Variants in LINGO2 observed in about 807,000 individuals in gnomAD.
LINGO2 encodes leucine-rich repeat and immunoglobulin-like domain-containing nogo receptor-interacting protein 2.
LINGO2 carries 14 observed loss-of-function variants against 30.6 expected under a neutral mutation model. The ratio of observed to expected loss-of-function variants is 0.46; its 90% confidence interval spans 0.30 to 0.72. LINGO2 has a LOEUF of 0.72. Among genes scored for constraint, LINGO2 ranks in the 30% least tolerant of loss-of-function variants. LINGO2 has a pLI of 0.07. For missense variants in LINGO2, 729 were observed against 751.7 expected, an observed-to-expected ratio of 0.97 and a Z score of 0.35; for synonymous variants, 317 against 288.5, an observed-to-expected ratio of 1.10 and a Z score of -1.00.
At chr9:27,996,667 G>T (rs1177403410) in intron 5 of LINGO2, among the ~76,000 whole-genome samples, 1 of 152,114 alleles carries the variant, frequency 6.6e-6, no homozygotes, top group Admixed American at 6.5e-5. Flanking sequence ...CAGTTAGATA[G>T]AATTAATAAA....
chr9:28,149,770 G>C (rs1827937595), intron 4 of LINGO2, among the ~76,000 whole-genome samples: 1 of 149,424 alleles, frequency 6.7e-6, no homozygotes, highest in Non-Finnish European at 1.5e-5. Context: ...AATTGAGGAG[G>C]AGCACTGCCT....
intron 1 of LINGO2, among the ~76,000 whole-genome samples, chr9:28,594,976 G>T (rs904830770): frequency 2.0e-5 from 3 of 152,052 alleles, no homozygotes; most frequent in African/African-American, 4.8e-5. Context: ...CATTTGAAGA[G>T]GACCTATTAA....
At chr9:28,241,268 A>AAG (rs1821780116) in intron 4 of LINGO2, among the ~76,000 whole-genome samples, 1 of 14,116 alleles carries the variant, frequency 7.1e-5, no homozygotes, top group Non-Finnish European at 1.3e-4. Flanking sequence ...ACCCTGTCTC[A>AAG]AAAAAAAAAA....
chr9:28,351,371 C>T (rs1400640530), intron 3 of LINGO2, among the ~76,000 whole-genome samples: 1 of 148,562 alleles, frequency 6.7e-6, no homozygotes, highest in African/African-American at 2.5e-5. Flanking sequence ...ACTACAAACA[C>T]CTCTATGCAA....
At chr9:27,990,416 G>A (rs1227037873) in intron 5 of LINGO2, among the ~76,000 whole-genome samples, 1 of 150,942 alleles carries the variant, frequency 6.6e-6, no homozygotes, top group Non-Finnish European at 1.5e-5. Flanking sequence ...TAGAAATGTT[G>A]CTGAGCTTCA....
At chr9:29,211,583 C>CTTT in the LINGO2 span, among the ~76,000 whole-genome samples, 1 of 148,132 alleles carries the variant, frequency 6.8e-6, no homozygotes, top group Non-Finnish European at 1.5e-5. Flanking sequence ...CTTCTCTTCT[C>CTTT]TCTCTCTCTC....
the LINGO2 span, among the ~76,000 whole-genome samples, chr9:28,722,394 T>C: frequency 6.6e-6 from 1 of 152,138 alleles, no homozygotes; most frequent in Admixed American, 6.6e-5. Context: ...TGTATAATTA[T>C]GGAAAAGTTC....
chr9:28,037,339 A>AC (rs1823986550), intron 4 of LINGO2, among the ~76,000 whole-genome samples: 1 of 151,966 alleles, frequency 6.6e-6, no homozygotes, highest in Non-Finnish European at 1.5e-5. Flanking sequence ...TAAACTTTAT[A>AC]CTCCAGTAAG....
Position 28,427,693 on chromosome 9 carries a change from G to T in LINGO2, c.-279+48247C>A, listed in dbSNP as rs183097063. Among the ~76,000 whole-genome samples, 91 of 152,090 alleles carry T rather than the reference G, an allele frequency of 6.0e-4. 1 individual carries two copies. The East Asian group carries it at 9.7e-3, about 16-fold the overall frequency. On this transcript the variant is annotated intron_variant, in intron 2 of 5. Transcript: ENST00000379992. The stretch of plus-strand genomic sequence containing the variant: ...AGACTTTTAAATGAATGTCACATTA[G>T]TCTAAATCAGCCCTCTGTGGCATAA...
chr9:28,290,227 T>C (rs1360818670), intron 4 of LINGO2, among the ~76,000 whole-genome samples: 3 of 152,218 alleles, frequency 2.0e-5, no homozygotes, highest in African/African-American at 7.2e-5. Context: ...ATTTAGCAAC[T>C]ATTCTAGGCT....
At chr9:28,188,785 T>C (rs1274924379) in intron 4 of LINGO2, among the ~76,000 whole-genome samples, 2 of 152,124 alleles carry the variant, frequency 1.3e-5, no homozygotes, top group Non-Finnish European at 2.9e-5. Flanking sequence ...ATTCCTACTG[T>C]CATGGGTCAA....
chr9:28,738,631 A>G, the LINGO2 span, among the ~76,000 whole-genome samples: 6 of 152,186 alleles, frequency 3.9e-5, no homozygotes, highest in East Asian at 5.8e-4. Flanking sequence ...AATCTTACCT[A>G]TGAATACAAA....
chr9:29,021,029 A>C, the LINGO2 span, among the ~76,000 whole-genome samples: 4 of 152,178 alleles, frequency 2.6e-5, no homozygotes, highest in African/African-American at 9.7e-5. Context: ...TTTCTTAGAG[A>C]AAGATTACCT....
At chr9:28,233,768 C>A (rs964396709) in intron 4 of LINGO2, among the ~76,000 whole-genome samples, 3 of 152,090 alleles carry the variant, frequency 2.0e-5, no homozygotes, top group African/African-American at 7.2e-5. Flanking sequence ...AGGATAGGCA[C>A]CAGGTAGAGT....
chr9:29,107,128 A>G, the LINGO2 span, among the ~76,000 whole-genome samples: 1 of 152,170 alleles, frequency 6.6e-6, no homozygotes, highest in Admixed American at 6.5e-5. Context: ...TCACATAAAT[A>G]AAATTAAACC....
the LINGO2 span, among the ~76,000 whole-genome samples, chr9:28,936,959 G>A: frequency 4.5e-4 from 69 of 152,212 alleles, no homozygotes; most frequent in East Asian, 0.011. Flanking sequence ...ATCCTCACAT[G>A]GCTTTTTCTC....
At chr9:28,641,460 T>C (rs1827575613) in intron 1 of LINGO2, among the ~76,000 whole-genome samples, 1 of 152,154 alleles carries the variant, frequency 6.6e-6, no homozygotes. Flanking sequence ...AGAAAGTCAC[T>C]AGTGAAAGGA....
chr9:28,984,196 C>A, the LINGO2 span, among the ~76,000 whole-genome samples: 1 of 152,106 alleles, frequency 6.6e-6, no homozygotes, highest in Non-Finnish European at 1.5e-5. Context: ...CGTTCTCTAG[C>A]CCCTGGCTCA....
the LINGO2 span, among the ~76,000 whole-genome samples, chr9:29,113,448 C>A: frequency 5.6e-4 from 85 of 152,050 alleles, no homozygotes; most frequent in Non-Finnish European, 9.0e-4. Flanking sequence ...CAGGAGCAGA[C>A]CATCCATGTC....
Sources: allele counts gnomAD v4.1 joint callset (sites outside exome capture counted in the v4.1 genomes callset), GRCh38; gene constraint gnomAD v4.1.1; transcripts MANE v1.5; gene names NCBI Gene and HGNC (gene_info 2026-07-23, HGNC 2026-07-21).